The following KLF8 variants were observed in gnomAD, a reference collection of about 807,000 sequenced individuals.
KLF8 encodes KLF transcription factor 8.
In KLF8, 10 loss-of-function variants were observed where a neutral mutation model predicts 18.2. The observed-to-expected ratio is 0.55, with a 90% CI of 0.34 to 0.93. KLF8 has a LOEUF of 0.93. KLF8 is among the 40% of genes least tolerant of loss of function. The pLI, the probability that KLF8 is intolerant of heterozygous loss-of-function variation, is 0.02. For synonymous variants in KLF8, 109 were observed against 97.3 expected, an observed-to-expected ratio of 1.12 and a Z score of -0.71; for missense variants, 264 against 277.9, an observed-to-expected ratio of 0.95 and a Z score of 0.36.
chrX:56,246,285 CTT>C (rs1389185686), intron 1 of KLF8, among the ~76,000 whole-genome samples: 1 of 111,649 alleles, frequency 9.0e-6, no homozygotes, highest in Non-Finnish European at 1.9e-5. Context: ...TCATTCATTC[CTT>C]TATTCACTGG....
At chrX:56,123,269 G>A in the KLF8 span, among the ~76,000 whole-genome samples, 1,487 of 39,832 alleles carry the variant, frequency 0.037, 17 homozygotes, top group Non-Finnish European at 0.066. Context: ...AAGAAAGAAA[G>A]AAAAAGAAAG....
the KLF8 span, among the ~76,000 whole-genome samples, chrX:56,151,341 G>T: frequency 2.7e-5 from 3 of 111,865 alleles, no homozygotes; most frequent in African/African-American, 9.7e-5. Context: ...CTCTATAAGA[G>T]AATGGGGATG....
chrX:56,027,697 C>T, the KLF8 span, among the ~76,000 whole-genome samples: 11 of 112,272 alleles, frequency 9.8e-5, no homozygotes, highest in Non-Finnish European at 1.5e-4. Flanking sequence ...ACGTATAACT[C>T]CCAGTCTACT....
chrX:56,078,335 A>T, the KLF8 span, among the ~76,000 whole-genome samples: 1 of 112,225 alleles, frequency 8.9e-6, no homozygotes, highest in Non-Finnish European at 1.9e-5. Context: ...TAATTTATTG[A>T]GAGTTTTTAG....
chrX:56,273,046 C>T (rs2067076375), intron 5 of KLF8, among the ~76,000 whole-genome samples: 1 of 111,713 alleles, frequency 9.0e-6, no homozygotes, highest in African/African-American at 3.2e-5. Context: ...TAAGAAAACC[C>T]TACTTAATTT....
At chrX:56,135,214 G>T in the KLF8 span, among the ~76,000 whole-genome samples, 1 of 111,034 alleles carries the variant, frequency 9.0e-6, no homozygotes, top group East Asian at 2.8e-4. Flanking sequence ...TATACCCAAA[G>T]GACTATAAAT....
intron 1 of KLF8, among the ~76,000 whole-genome samples, chrX:56,237,445 C>A (rs2066491541): frequency 9.2e-6 from 1 of 108,961 alleles, no homozygotes; most frequent in Non-Finnish European, 1.9e-5. Flanking sequence ...ATATATATAT[C>A]CCCTTCACCT....
chrX:56,032,710 T>C, the KLF8 span, among the ~76,000 whole-genome samples: 11 of 112,528 alleles, frequency 9.8e-5, no homozygotes, highest in Admixed American at 1.9e-4. Context: ...AATATAGCAA[T>C]TTGTTTATCC....
At chrX:56,078,448 T>A in the KLF8 span, among the ~76,000 whole-genome samples, 1 of 112,276 alleles carries the variant, frequency 8.9e-6, no homozygotes, top group Non-Finnish European at 1.9e-5. Context: ...TTACATTTAT[T>A]GATTTGCATA....
chrX:55,941,817 A>G, the KLF8 span, among the ~76,000 whole-genome samples: 3 of 112,003 alleles, frequency 2.7e-5, no homozygotes, highest in South Asian at 1.1e-3. Flanking sequence ...CCACAATGAA[A>G]TACCATCTCA....
chrX:55,911,369 C>T, the KLF8 span, among the ~76,000 whole-genome samples: 1 of 111,935 alleles, frequency 8.9e-6, no homozygotes, highest in Non-Finnish European at 1.9e-5. Context: ...AAAGTCTCTT[C>T]AATGTACTTC....
At chrX:56,065,878 T>C in the KLF8 span, among the ~76,000 whole-genome samples, 1 of 111,886 alleles carries the variant, frequency 8.9e-6, no homozygotes, top group East Asian at 2.8e-4. Context: ...GTTGTGATGT[T>C]TGTGTGTGGA....
the KLF8 span, among the ~76,000 whole-genome samples, chrX:56,054,700 ACT>A: frequency 9.0e-6 from 1 of 110,736 alleles, no homozygotes; most frequent in Non-Finnish European, 1.9e-5. Context: ...GAAGTCTCCC[ACT>A]CTCACTGTGT....
the KLF8 span, among the ~76,000 whole-genome samples, chrX:56,161,650 A>G: frequency 9.0e-6 from 1 of 111,186 alleles, no homozygotes; most frequent in East Asian, 2.8e-4. Flanking sequence ...TGCATTGGTT[A>G]TTCTAATTAG....
chrX:56,252,894 T>A, intron 2 of KLF8, among the ~76,000 whole-genome samples: 1 of 112,306 alleles, frequency 8.9e-6, no homozygotes, highest in Non-Finnish European at 1.9e-5. Context: ...TATTATTGCC[T>A]AACTCTTGGA....
the KLF8 span, among the ~76,000 whole-genome samples, chrX:56,220,851 CA>C: frequency 2.7e-5 from 3 of 112,284 alleles, no homozygotes; most frequent in African/African-American, 9.7e-5. Context: ...TTCTTTTTCA[CA>C]AAAAAAGTGC....
the KLF8 span, among the ~76,000 whole-genome samples, chrX:56,154,584 A>T: frequency 8.9e-6 from 1 of 112,358 alleles, no homozygotes; most frequent in East Asian, 2.8e-4. Flanking sequence ...CAATGGCAAC[A>T]AAAGACAAAA....
the KLF8 span, among the ~76,000 whole-genome samples, chrX:56,017,706 G>C: frequency 9.0e-6 from 1 of 111,140 alleles, no homozygotes; most frequent in African/African-American, 3.3e-5. Flanking sequence ...AGTTGTATAT[G>C]ATAACCTTTT....
At chrX:55,978,395 C>A in the KLF8 span, among the ~76,000 whole-genome samples, 1 of 111,878 alleles carries the variant, frequency 8.9e-6, no homozygotes, top group Non-Finnish European at 1.9e-5. Context: ...GAACAGGTAA[C>A]CTTCTTTTAA....
Sources: gnomAD v4.1 joint callset for allele counts (sites outside exome capture counted in the v4.1 genomes callset) on GRCh38, gnomAD v4.1.1 for gene constraint, MANE v1.5 for transcripts, NCBI Gene and HGNC (gene_info 2026-07-23, HGNC 2026-07-21) for gene names.